Variants in VIRMA observed in about 807,000 individuals in gnomAD.
VIRMA encodes protein virilizer homolog.
In VIRMA, 65 loss-of-function variants were observed where a neutral mutation model predicts 182.4. The ratio of observed to expected loss-of-function variants is 0.36; its 90% CI spans 0.29 to 0.44. VIRMA has a LOEUF of 0.44. Among genes scored for constraint, VIRMA ranks in the 20% least tolerant of loss-of-function variants. The pLI, the probability that VIRMA is intolerant of heterozygous loss-of-function variation, is 1.00. For missense variants in VIRMA, 1,752 were observed against 2,158.1 expected (o/e 0.81, Z 3.73); for synonymous variants, 709 against 743.1 (o/e 0.95, Z 0.75).
chr8:94,552,460 C>T (rs1178884716), intron 1 of VIRMA, among the ~76,000 whole-genome samples: 2 of 151,946 alleles, frequency 1.3e-5, no homozygotes, highest in Admixed American at 1.3e-4. Flanking sequence ...CCTCAAAAAG[C>T]TTGATACAAG....
At chr8:94,506,454 T>G (rs1169941565) in intron 16 of VIRMA, 46 bp downstream of exon 16, 1 of 1,257,980 alleles carries the variant, frequency 7.9e-7, no homozygotes, top group South Asian at 1.3e-5. Context: ...AGTGACAGAA[T>G]GAAAAAATTA....
chr8:94,514,558 G>A (rs1352359960), intron 11 of VIRMA, among the ~76,000 whole-genome samples: 1 of 152,102 alleles, frequency 6.6e-6, no homozygotes, highest in Non-Finnish European at 1.5e-5. Context: ...CATGACTACA[G>A]CATTTAAAAC....
chr8:94,502,760 G>C (rs1230005945), intron 16 of VIRMA, among the ~76,000 whole-genome samples: 1 of 151,974 alleles, frequency 6.6e-6, no homozygotes, highest in African/African-American at 2.4e-5. Flanking sequence ...ACTAGCAATA[G>C]GAAGTACTTA....
intron 4 of VIRMA, among the ~76,000 whole-genome samples, chr8:94,535,940 A>AT (rs1815327133): frequency 6.6e-6 from 1 of 152,206 alleles, no homozygotes; most frequent in African/African-American, 2.4e-5. Context: ...GCTTATCTAC[A>AT]TTAATAGCTA....
rs200661878 is a variant in VIRMA, at chr8:94,511,568, T to C, written c.3007A>G (p.Ile1003Val). ...GTGAGTGTGCAGCGAGCCATTGAAA[T>C]AGTAGTAACTCTGTGAAGGGTAGTC... ...MGTTLHRVTT[I>V]SMARCTLTLL... is the part of the protein sequence containing the mutation. Residue 1003 changes from isoleucine (I) to valine (V), a missense_variant, in exon 13 of 24, where the codon ATT (isoleucine) becomes GTT (valine). By Grantham distance (29) the Ile-to-Val change is conservative. Around this residue, in one of 11 missense-constraint regions of VIRMA, gnomAD observed 777 missense variants for 920.6 expected, o/e 0.84. Transcript: ENST00000297591. The C allele has an allele frequency of 8.5e-5, 138 of 1,614,116 alleles. 1 individual carries two copies. The East Asian group carries it at 3.0e-3, about 35-fold the overall frequency.
intron 3 of VIRMA, among the ~76,000 whole-genome samples, chr8:94,537,703 A>C (rs1815389161): frequency 6.6e-6 from 1 of 152,166 alleles, no homozygotes; most frequent in Non-Finnish European, 1.5e-5. Flanking sequence ...AGCTGCCTTT[A>C]GTTTTTTTTA....
chr8:94,513,450 C>T (rs1814446822), intron 11 of VIRMA, among the ~76,000 whole-genome samples: 1 of 143,706 alleles, frequency 7.0e-6, no homozygotes, highest in Non-Finnish European at 1.5e-5. Context: ...AAAAAAGTTA[C>T]TACCTCATTT....
rs556423708 is a variant in VIRMA, at chr8:94,531,605, C to G, written c.485-520G>C. 2.0e-4 allele frequency among the ~76,000 whole-genome samples: 30 copies of G among 152,308 alleles called. No homozygotes were observed. In the Middle Eastern group the frequency reaches 0.01, roughly 52 times the overall value. On this transcript the variant is annotated intron_variant, in intron 5 of 23. Transcript: ENST00000297591. ...AAACTTTTCCTTCCTGGCATCTTAA[C>G]AGAAATTTTGCTAATTAATCTATAT...
At chr8:94,490,645 G>A (rs1235120897) in intron 22 of VIRMA, among the ~76,000 whole-genome samples, 5 of 152,026 alleles carry the variant, frequency 3.3e-5, no homozygotes, top group Non-Finnish European at 5.9e-5. Flanking sequence ...TCAGGAGTTC[G>A]AGACCAGCCC....
At chr8:94,505,773 T>C (rs1388623510) in intron 16 of VIRMA, among the ~76,000 whole-genome samples, 1 of 152,178 alleles carries the variant, frequency 6.6e-6, no homozygotes, top group Non-Finnish European at 1.5e-5. Context: ...ATTATAGGTA[T>C]GAGCCACCAT....
chr8:94,499,638 G>C (rs1367374789), intron 16 of VIRMA, 132 bp from the exon 17 acceptor site: 4 of 572,326 alleles, frequency 7.0e-6, no homozygotes, highest in Non-Finnish European at 1.1e-5. Context: ...GAAGTACTTT[G>C]GTGTGTCTTT....
chr8:94,527,289 G>C lies in VIRMA; in HGVS notation c.955C>G (p.Pro319Ala). The C allele has an allele frequency of 6.2e-7, 1 of 1,607,936 alleles. No homozygotes were observed. The highest frequency in any genetic ancestry group is 8.5e-7 in the Non-Finnish European group (1 of 1,175,962). The stretch of plus-strand genomic sequence containing the variant: ...GCAGTGTATTCAACATCAAAGTTTG[G>C]ATACTTAAATGTTTCACGTTCCAAG... ...ADLERETFKY[P>A]NFDVEYTAED... is the part of the protein sequence containing the mutation. The change falls in exon 8 of 24, where the codon CCA becomes GCA. Residue 319 changes from proline (P) to alanine (A), a missense_variant. Pro to Ala is a conservative substitution (Grantham distance 27). Around this residue, in one of 11 missense-constraint regions of VIRMA, gnomAD observed 31 missense variants for 68.4 expected, o/e 0.45. Transcript: ENST00000297591.
At chr8:94,532,475 T>G (rs776166949) in intron 5 of VIRMA, among the ~76,000 whole-genome samples, 1 of 152,196 alleles carries the variant, frequency 6.6e-6, no homozygotes, top group Non-Finnish European at 1.5e-5. Flanking sequence ...CGCACAGAGT[T>G]ACACATACAC....
chr8:94,520,056 C>G (rs1413080985), intron 8 of VIRMA, among the ~76,000 whole-genome samples: 1 of 151,726 alleles, frequency 6.6e-6, no homozygotes, highest in African/African-American at 2.4e-5. Context: ...ACAAAAAATA[C>G]AAAAATTAGC....
chr8:94,542,926 T>A (rs1039786982), intron 2 of VIRMA, among the ~76,000 whole-genome samples: 1 of 152,130 alleles, frequency 6.6e-6, no homozygotes, highest in African/African-American at 2.4e-5. Context: ...TTTCTTTTTT[T>A]TGAGACAGTT....
Position 94,526,782 on chromosome 8 carries a change from C to G in VIRMA, c.1462G>C (p.Glu488Gln), listed in dbSNP as rs1447617989. 1 of 1,614,054 alleles carries G rather than the reference C, an allele frequency of 6.2e-7. No individual in the cohort carries two copies. Among genetic ancestry groups the G allele is most frequent in the Admixed American group, 1.7e-5 (1 of 60,014 alleles). The change falls in exon 8 of 24, where the codon GAA becomes CAA. Residue 488 changes from glutamate (E) to glutamine (Q), a missense_variant. By Grantham distance (29) the Glu-to-Gln change is conservative. Around this residue, in one of 11 missense-constraint regions of VIRMA, gnomAD observed 401 missense variants for 455.1 expected, o/e 0.88. Coordinates refer to ENST00000297591, the MANE Select transcript of VIRMA (RefSeq NM_015496.5). Reference sequence around the variant, plus strand: ...GATACGTGATCAGCAAACAGAAGTTCAAATAATCCACTGATCACTCCTGCT... The same window carrying G: ...GATACGTGATCAGCAAACAGAAGTTGAAATAATCCACTGATCACTCCTGCT... ...LQAGVISGLF[E>Q]LLFADHVSSS... is the part of the protein sequence containing the mutation.
Position 94,496,307 on chromosome 8 carries a change from C to T in VIRMA, c.4383+21G>A, listed in dbSNP as rs776192620. The T allele has an allele frequency of 1.1e-5, 18 of 1,600,754 alleles. 1 individual carries two copies. The Admixed American group carries it at 2.8e-4, about 25-fold the overall frequency. ...GAGAGGAAAATAGGCCTTAAGAACG[C>T]TCTGTTTTTTTCTTTTTTACCAAAA... On this transcript the variant is annotated intron_variant, in intron 18 of 23. Coordinates refer to ENST00000297591, the MANE Select transcript of VIRMA (RefSeq NM_015496.5).
At chr8:94,502,784 T>A (rs571114893) in intron 16 of VIRMA, among the ~76,000 whole-genome samples, 2 of 152,216 alleles carry the variant, frequency 1.3e-5, no homozygotes, top group South Asian at 4.2e-4. Context: ...AATTTTTTTT[T>A]AAGTCAGAGC....
Position 94,506,673 on chromosome 8 carries a change from A to G in VIRMA, c.3924T>C (p.Ser1308=), listed in dbSNP as rs759647570. ...GAGAATTGGAGAGCTGCTCCAGTTC[A>G]GAAATAGAACCTTCAGAAGAGCTTG... ...ILPSSSEGSI[S]ELEQLSNSLP... is the part of the protein sequence containing the mutation. Residue 1308 remains serine, a synonymous_variant, in exon 16 of 24, where the codon TCT becomes TCC. Coordinates refer to ENST00000297591, the MANE Select transcript of VIRMA (RefSeq NM_015496.5). The G allele has an allele frequency of 3.7e-6, 6 of 1,613,848 alleles. No homozygotes were observed. In the South Asian group the frequency reaches 4.4e-5, roughly 12 times the overall value.
Sources: allele counts gnomAD v4.1 joint callset (sites outside exome capture counted in the v4.1 genomes callset), GRCh38; gene constraint gnomAD v4.1.1; regional missense constraint gnomAD v4.1.1; transcripts MANE v1.5; gene names NCBI Gene and HGNC (gene_info 2026-07-23, HGNC 2026-07-21).